Variants in CHST11 observed in about 807,000 individuals in gnomAD.
CHST11 encodes C4S-1.
Under a neutral mutation model 30.4 loss-of-function variants are expected in CHST11, and 9 were observed. The ratio of observed to expected loss-of-function variants is 0.30; its 90% CI spans 0.18 to 0.52. CHST11 has a LOEUF of 0.52. Ranked by LOEUF, CHST11 falls within the 20% of genes least tolerant of loss-of-function variation. The pLI, the probability that CHST11 is intolerant of heterozygous loss-of-function variation, is 0.97. For missense variants in CHST11, 348 were observed against 460.6 expected (o/e 0.76, Z 2.24); for synonymous variants, 152 against 187.8 (o/e 0.81, Z 1.56).
intron 2 of CHST11, among the ~76,000 whole-genome samples, chr12:104,694,860 G>A (rs991650088): frequency 6.6e-6 from 1 of 152,180 alleles, no homozygotes; most frequent in African/African-American, 2.4e-5. Context: ...GCAGCTCCGA[G>A]TCCTGAGCTT....
At chr12:104,487,509 G>A (rs998396505) in intron 1 of CHST11, among the ~76,000 whole-genome samples, 3 of 152,190 alleles carry the variant, frequency 2.0e-5, no homozygotes, top group South Asian at 2.1e-4. Context: ...CGATGCTCCC[G>A]CTTCAACCTC....
rs189482377 is a variant in CHST11, at chr12:104,676,631, T to A, written c.204+74640T>A. Among the ~76,000 whole-genome samples, 7 of 152,330 alleles carry A rather than the reference T, an allele frequency of 4.6e-5. No homozygotes were observed. The highest frequency in any genetic ancestry group is 1.4e-4 in the African/African-American group (6 of 41,578). ...GGTTTCCCCATGTTGGCCAGGATGG[T>A]CTCGATCTCCTGACCTTGTGATCGG... On this transcript the variant is annotated intron_variant, in intron 2 of 2. Transcript: ENST00000303694. The surrounding 1 kb of genome is among the most constrained non-coding windows in gnomAD (Gnocchi z 4.4).
At chr12:104,744,866 TTTATTTATTTATTTA>T (rs2040377446) in intron 2 of CHST11, among the ~76,000 whole-genome samples, 1 of 150,902 alleles carries the variant, frequency 6.6e-6, no homozygotes, top group Non-Finnish European at 1.5e-5. Context: ...TATTTATTTA[TTTATTTATTTATTTA>T]TTTATTTTTT....
intron 2 of CHST11, among the ~76,000 whole-genome samples, chr12:104,643,071 G>A (rs1592812084): frequency 6.6e-6 from 1 of 152,246 alleles, no homozygotes; most frequent in African/African-American, 2.4e-5. Context: ...CACCTGTAAT[G>A]CCAGCACTTT....
At chr12:104,559,286 G>A (rs938831875) in intron 1 of CHST11, among the ~76,000 whole-genome samples, 2 of 152,208 alleles carry the variant, frequency 1.3e-5, no homozygotes, top group Admixed American at 1.3e-4. Flanking sequence ...TACTTGGCAT[G>A]TAGTAAATGT....
chr12:104,503,632 G>A (rs1299169171), intron 1 of CHST11, among the ~76,000 whole-genome samples: 2 of 152,148 alleles, frequency 1.3e-5, no homozygotes, highest in Admixed American at 6.5e-5. Context: ...GAGACCTTCC[G>A]TGCCTGGGCC....
intron 2 of CHST11, among the ~76,000 whole-genome samples, chr12:104,648,265 T>G (rs1429553439): frequency 3.3e-5 from 5 of 152,182 alleles, no homozygotes; most frequent in Non-Finnish European, 7.4e-5. Flanking sequence ...AAACCTTAGG[T>G]ACCTGATGTG....
intron 1 of CHST11, among the ~76,000 whole-genome samples, chr12:104,521,938 C>A (rs906787397): frequency 1.3e-5 from 2 of 152,096 alleles, no homozygotes; most frequent in Non-Finnish European, 2.9e-5. Context: ...AATTGTTTGG[C>A]CTAGTTCCTG....
At chr12:104,555,929 T>G (rs945141602) in intron 1 of CHST11, among the ~76,000 whole-genome samples, 2 of 152,114 alleles carry the variant, frequency 1.3e-5, no homozygotes, top group Non-Finnish European at 2.9e-5. Context: ...AAGGAAGGTG[T>G]CTGTCCTCCG....
chr12:104,539,358 A>G (rs921999224), intron 1 of CHST11, among the ~76,000 whole-genome samples: 3 of 152,208 alleles, frequency 2.0e-5, no homozygotes, highest in African/African-American at 7.2e-5. Flanking sequence ...AATGCACCAC[A>G]CCTAGTAGTT....
At chr12:104,558,109 CA>C (rs1451064311) in intron 1 of CHST11, among the ~76,000 whole-genome samples, 3 of 152,130 alleles carry the variant, frequency 2.0e-5, no homozygotes, top group African/African-American at 7.2e-5. Context: ...TCCCCCTCAT[CA>C]ATATTTCAGC....
chr12:104,664,674 C>T (rs1328651542), intron 2 of CHST11, among the ~76,000 whole-genome samples: 1 of 152,140 alleles, frequency 6.6e-6, no homozygotes, highest in Non-Finnish European at 1.5e-5. Flanking sequence ...AGCATGCTGC[C>T]CTTTTTCCAG....
intron 2 of CHST11, among the ~76,000 whole-genome samples, chr12:104,649,097 T>C (rs1405862403): frequency 1.3e-5 from 2 of 151,504 alleles, no homozygotes; most frequent in Non-Finnish European, 1.5e-5. Context: ...AGGATGGGAA[T>C]CAGCCTCAGG....
intron 1 of CHST11, among the ~76,000 whole-genome samples, chr12:104,598,835 G>A (rs1167139109): frequency 1.3e-5 from 2 of 150,628 alleles, no homozygotes; most frequent in Non-Finnish European, 3.0e-5. Flanking sequence ...ACCCTGGTGG[G>A]TGGGGTGGGC....
chr12:104,698,206 A>G (rs2039963359), intron 2 of CHST11, among the ~76,000 whole-genome samples: 1 of 152,112 alleles, frequency 6.6e-6, no homozygotes, highest in Non-Finnish European at 1.5e-5. Flanking sequence ...CCCAACCCAA[A>G]TGCCTTAGCC....
intron 1 of CHST11, among the ~76,000 whole-genome samples, chr12:104,540,512 A>G (rs1040260566): frequency 2.0e-5 from 3 of 151,962 alleles, no homozygotes; most frequent in Admixed American, 6.5e-5. Context: ...AAGAGTGTGT[A>G]TGTGTGCAAG....
chr12:104,605,998 G>A (rs1188023820), intron 2 of CHST11, among the ~76,000 whole-genome samples: 1 of 152,030 alleles, frequency 6.6e-6, no homozygotes, highest in Non-Finnish European at 1.5e-5. Context: ...CTTGCTCTGT[G>A]ATTACTATGT....
chr12:104,527,461 A>C lies in CHST11; in HGVS notation c.118+69932A>C, dbSNP rs137995799. On this transcript the variant is annotated intron_variant, in intron 1 of 2. Coordinates refer to ENST00000303694, the MANE Select transcript of CHST11 (RefSeq NM_018413.6). ...TCTTCTCTTGCCTGAGAAACTACAG[A>C]TCCTTTATGACTCAGTTCTAGGCTA... 3.9e-3 allele frequency among the ~76,000 whole-genome samples: 588 copies of C among 152,080 alleles called. 3 individuals are homozygous for C. Among genetic ancestry groups the C allele is most frequent in the African/African-American group, 0.013 (553 of 41,504 alleles).
At chr12:104,711,266 GT>G in intron 2 of CHST11, among the ~76,000 whole-genome samples, 1 of 152,194 alleles carries the variant, frequency 6.6e-6, no homozygotes, top group Admixed American at 6.5e-5. Context: ...TTTTTCACTG[GT>G]TTATAGATGC....
Sources: gnomAD v4.1 joint callset for allele counts (sites outside exome capture counted in the v4.1 genomes callset) on GRCh38, gnomAD v4.1.1 for gene constraint, Gnocchi (gnomAD v3.1) non-coding constraint, MANE v1.5 for transcripts, NCBI Gene and HGNC (gene_info 2026-07-23, HGNC 2026-07-21) for gene names.